The following MICAL2 variants were observed in gnomAD, a reference collection of about 807,000 sequenced individuals.
MICAL2 encodes the protein [F-actin]-monooxygenase MICAL2.
MICAL2 carries 77 observed loss-of-function variants against 127.3 expected under a neutral mutation model. The observed-to-expected ratio is 0.60, with a 90% confidence interval of 0.50 to 0.73. MICAL2 has a LOEUF of 0.73. MICAL2 is among the 30% of genes least tolerant of loss of function. The probability of loss-of-function intolerance (pLI) is 0.00; values close to 1 mark genes in which losing one functional copy is unlikely to be tolerated. For synonymous variants in MICAL2, 570 were observed against 551.1 expected, an observed-to-expected ratio of 1.03 and a Z score of -0.48; for missense variants, 1,351 against 1,434.4, an observed-to-expected ratio of 0.94 and a Z score of 0.94.
intron 32 of MICAL2, among the ~76,000 whole-genome samples, chr11:12,332,369 C>T (rs1007786963): frequency 9.2e-5 from 14 of 152,130 alleles, no homozygotes; most frequent in Non-Finnish European, 1.8e-4. Flanking sequence ...TCTCTAAATA[C>T]AGGTAGCCAT....
intron 29 of MICAL2, chr11:12,319,583 A>G: frequency 6.4e-5 from 47 of 729,250 alleles, no homozygotes; most frequent in East Asian, 5.4e-5. Context: ...CAGTGAGGGG[A>G]GGGCAGGGAG....
intron 22 of MICAL2, chr11:12,250,183 C>A (rs1363767541): frequency 1.3e-5 from 2 of 152,158 alleles, no homozygotes; most frequent in African/African-American, 4.8e-5. Flanking sequence ...CACTCTTGTG[C>A]AGAGGAAAGT....
intron 16 of MICAL2, 124 bp from the exon 17 acceptor site, chr11:12,239,312 T>A: frequency 1.5e-6 from 2 of 1,355,358 alleles, no homozygotes; most frequent in Non-Finnish European, 2.1e-6. Flanking sequence ...TCTGCCTCCC[T>A]TCCTCAGACC....
At chr11:12,271,789 C>T (rs1053616806), upstream of MICAL2, among the ~76,000 whole-genome samples, 1 of 152,112 alleles carries the variant, frequency 6.6e-6, no homozygotes, top group Non-Finnish European at 1.5e-5. Context: ...GGAGGTGGCA[C>T]TGAACCCCAT....
intron 33 of MICAL2, among the ~76,000 whole-genome samples, chr11:12,353,987 G>A (rs1402672356): frequency 6.6e-6 from 1 of 152,130 alleles, no homozygotes; most frequent in Non-Finnish European, 1.5e-5. Context: ...CTTCTCCCGG[G>A]CCTATGCTAG....
chr11:12,197,349 T>C (rs1170480361), intron 3 of MICAL2: 1 of 152,246 alleles, frequency 6.6e-6, no homozygotes, highest in Non-Finnish European at 1.5e-5. Context: ...TTCAGGGTGA[T>C]TGTAAGAACG....
chr11:12,304,641 C>CACACACACACAT (rs1478644935), intron 29 of MICAL2, among the ~76,000 whole-genome samples: 37 of 24,894 alleles, frequency 1.5e-3, no homozygotes, highest in Admixed American at 2.4e-3. Flanking sequence ...GTCTCAAACA[C>CACACACACACAT]ACACACACAC....
intron 30 of MICAL2, among the ~76,000 whole-genome samples, chr11:12,322,551 G>A (rs570817271): frequency 2.6e-5 from 4 of 152,208 alleles, no homozygotes; most frequent in Non-Finnish European, 5.9e-5. Flanking sequence ...AGCTAGCTAC[G>A]ACAATTTTTA....
At chr11:12,309,259 A>G (rs774680994) in intron 29 of MICAL2, among the ~76,000 whole-genome samples, 4 of 152,118 alleles carry the variant, frequency 2.6e-5, no homozygotes, top group Non-Finnish European at 5.9e-5. Flanking sequence ...TTCCTATTGT[A>G]CTATCAAACA....
At chr11:12,251,778 G>A (rs1005576207) in intron 22 of MICAL2, among the ~76,000 whole-genome samples, 1 of 151,916 alleles carries the variant, frequency 6.6e-6, no homozygotes, top group Non-Finnish European at 1.5e-5. Flanking sequence ...GCTCAGTTTT[G>A]GCTGCACCTC....
intron 3 of MICAL2, among the ~76,000 whole-genome samples, chr11:12,180,680 T>C (rs1857348708): frequency 1.3e-5 from 2 of 152,090 alleles, no homozygotes; most frequent in Admixed American, 1.3e-4. Context: ...ATGAGGAAAC[T>C]GAGGCTTCAC....
At chr11:12,235,975 T>C (rs1858993928) in intron 15 of MICAL2, among the ~76,000 whole-genome samples, 2 of 152,246 alleles carry the variant, frequency 1.3e-5, no homozygotes, top group Non-Finnish European at 2.9e-5. Flanking sequence ...CTCTCCGCTG[T>C]GCCTGAACAA....
At chr11:12,204,066 G>A (rs866348313) in intron 3 of MICAL2, among the ~76,000 whole-genome samples, 184 bp from the exon 4 acceptor site, 19 of 152,304 alleles carry the variant, frequency 1.2e-4, no homozygotes, top group African/African-American at 3.1e-4. Context: ...TGGCTGGTGC[G>A]TGGTAGGCCC....
downstream of MICAL2, among the ~76,000 whole-genome samples, chr11:12,289,052 G>A (rs535023332): frequency 2.6e-5 from 4 of 152,204 alleles, no homozygotes; most frequent in African/African-American, 7.2e-5. Flanking sequence ...TGGGAGGGCC[G>A]GAGGGGATAT....
In MICAL2 at chr11:12,222,719, C is replaced by T; in HGVS notation, c.1425C>T (p.Asn475=). ...LDPGTRYPNL[N]SHCVRPHQVK... ...CAGGGACACGGTACCCAAACCTCAA[C>T]TCACACTGTGTCAGGCCCCATCAGG... Residue 475 remains asparagine (N), a synonymous_variant, in exon 11 of 28, where the codon AAC becomes AAT. Transcript: ENST00000683283. 1.2e-6 allele frequency: 2 copies of T among 1,614,222 alleles called. No individual in the cohort carries two copies. Among genetic ancestry groups the T allele is most frequent in the Non-Finnish European group, 1.7e-6 (2 of 1,180,038 alleles).
At chr11:12,168,837 C>T (rs1012065491) in intron 3 of MICAL2, among the ~76,000 whole-genome samples, 3 of 151,154 alleles carry the variant, frequency 2.0e-5, no homozygotes, top group Non-Finnish European at 2.9e-5. Flanking sequence ...GTCCCAGCTA[C>T]GTGGGAGGCT....
At chr11:12,284,559 A>G (rs890867399) in intron 2 of MICAL2, among the ~76,000 whole-genome samples, 12 of 152,172 alleles carry the variant, frequency 7.9e-5, no homozygotes, top group African/African-American at 2.7e-4. Flanking sequence ...GCCATTTCCA[A>G]TAGGTTCCAT....
At chr11:12,152,789 G>A (rs1464182771) in intron 2 of MICAL2, among the ~76,000 whole-genome samples, 1 of 152,068 alleles carries the variant, frequency 6.6e-6, no homozygotes, top group African/African-American at 2.4e-5. Context: ...ATAAAAAACA[G>A]CAAATGTCTT....
rs747456905 is a variant in MICAL2 at position 12,223,543 on chromosome 11, G to T, written c.1540+42G>T. The T allele has an allele frequency of 5.2e-6, 8 of 1,552,446 alleles. 2 individuals carry two copies. The South Asian group carries it at 8.9e-5, about 17-fold the overall frequency. On this transcript the variant is annotated intron_variant, in intron 12 of 27. Transcript: ENST00000683283. ...GGACCCTGGTGGGTGGCTGGGAAGA[G>T]CTTTGAGGGGAGGAGGACTGCTCAG...
Sources: allele counts gnomAD v4.1 joint callset (sites outside exome capture counted in the v4.1 genomes callset), GRCh38; gene constraint gnomAD v4.1.1; transcripts MANE v1.5; gene names NCBI Gene and HGNC (gene_info 2026-07-23, HGNC 2026-07-21).